The following KCNT1 variants were observed in gnomAD, a reference collection of about 807,000 sequenced individuals.
KCNT1 encodes potassium channel subfamily T member 1.
Under a neutral mutation model 147.8 loss-of-function variants are expected in KCNT1, and 78 were observed. The ratio of observed to expected loss-of-function variants is 0.53; its 90% confidence interval spans 0.44 to 0.64. KCNT1 has a LOEUF of 0.64. Ranked by LOEUF, KCNT1 falls within the 30% of genes least tolerant of loss-of-function variation. The pLI, the probability that KCNT1 is intolerant of heterozygous loss-of-function variation, is 0.00. For synonymous variants in KCNT1, 867 were observed against 748.8 expected (o/e 1.16, Z -2.58); for missense variants, 1,419 against 1,750.3 (o/e 0.81, Z 3.38).
chr9:135,785,770 G>A (rs1833997418), intron 28 of KCNT1: 1 of 433,726 alleles, frequency 2.3e-6, no homozygotes, highest in East Asian at 4.9e-5. Flanking sequence ...TCCAAAGGGT[G>A]TGTTTGCAAG....
Position 135,765,660 on chromosome 9 carries a change from G to T in KCNT1, c.1237G>T (p.Asp413Tyr). The change falls in exon 13 of 31, where the codon GAT becomes TAT. Residue 413 changes from aspartate to tyrosine, a missense_variant. By Grantham distance (160) the Asp-to-Tyr change is radical. Coordinates refer to ENST00000371757, the MANE Select transcript of KCNT1 (RefSeq NM_020822.3). The stretch of plus-strand genomic sequence containing the variant: ...GGTCATCCTGTGCCCCACGGAGATG[G>T]ATGTCCAGGTGCGCAGAGTCCTGCA... ...YVVILCPTEM[D>Y]VQVRRVLQIP... 6.2e-7 allele frequency: 1 copy of T among 1,611,122 alleles called. No homozygotes were observed. The highest frequency in any genetic ancestry group is 8.5e-7 in the Non-Finnish European group (1 of 1,179,142).
chr9:135,791,914 C>T (rs560415508), intron 30 of KCNT1, 33 bp downstream of exon 30: 90 of 1,612,484 alleles, frequency 5.6e-5, no homozygotes, highest in Non-Finnish European at 9.3e-6. Flanking sequence ...GTGGAGACCC[C>T]CCCTGAGCAC....
intron 24 of KCNT1, among the ~76,000 whole-genome samples, chr9:135,779,896 C>T (rs1030508296): frequency 6.6e-6 from 1 of 152,256 alleles, no homozygotes; most frequent in African/African-American, 2.4e-5. Flanking sequence ...CAGACTTCTC[C>T]GCTGCCCTGG....
At chr9:135,759,577 T>C (rs1831766572) in intron 10 of KCNT1, 102 bp from the exon 11 acceptor site, 4 of 1,282,858 alleles carry the variant, frequency 3.1e-6, no homozygotes, top group Non-Finnish European at 4.2e-6. Context: ...CACAGCTCAG[T>C]CTCCTGGGCA....
intron 1 of KCNT1, among the ~76,000 whole-genome samples, chr9:135,704,618 C>T: frequency 6.6e-6 from 1 of 152,216 alleles, no homozygotes. Flanking sequence ...ACCCCCTGCC[C>T]AGCGCACTTC....
intron 4 of KCNT1, among the ~76,000 whole-genome samples, chr9:135,753,133 G>A (rs1240518177): frequency 6.6e-6 from 1 of 151,756 alleles, no homozygotes; most frequent in Non-Finnish European, 1.5e-5. Flanking sequence ...TGATGGAGAA[G>A]TGGATGGATG....
intron 29 of KCNT1, chr9:135,790,264 T>C (rs1265097086): frequency 6.6e-6 from 1 of 152,170 alleles, no homozygotes. Flanking sequence ...CCACCTGCCA[T>C]GCGGCCACCC....
At chr9:135,785,596 C>G (rs1178244299) in intron 28 of KCNT1, 2 of 606,486 alleles carry the variant, frequency 3.3e-6, no homozygotes, top group East Asian at 5.6e-5. Context: ...CCCCCGCCCC[C>G]TCCCAGGCCC....
intron 2 of KCNT1, among the ~76,000 whole-genome samples, chr9:135,731,991 TAGAGAGAG>T (rs1189149987): frequency 0.011 from 228 of 21,560 alleles, no homozygotes; most frequent in Non-Finnish European, 0.013. Context: ...TATATATATA[TAGAGAGAG>T]AGAGAGAGAG....
chr9:135,769,860 T>C (rs2131504015), intron 15 of KCNT1, 87 bp from the exon 16 acceptor site: 1 of 958,222 alleles, frequency 1.0e-6, no homozygotes, highest in Non-Finnish European at 1.6e-6. Flanking sequence ...TGCATCTGCA[T>C]AGCACCTTCA....
At position 135,714,008 on chromosome 9, in the gene KCNT1, G is replaced by A. The variant is rs1051327332; in HGVS notation, c.111-569G>A. ...GTTCTGACCTGAGCTGAGCTGCTCC[G>A]CCTGGGGAGGCTGCAAACAAGGGTG... On this transcript the variant is annotated intron_variant, in intron 1 of 30. Coordinates refer to ENST00000371757, the MANE Select transcript of KCNT1 (RefSeq NM_020822.3). This position sits in a 1 kb window ranked among gnomAD's most constrained non-coding sequence, Gnocchi z 6.2. 3.3e-5 allele frequency among the ~76,000 whole-genome samples: 5 copies of A among 152,122 alleles called. No individual in the cohort carries two copies. Among genetic ancestry groups the A allele is most frequent in the Non-Finnish European group, 5.9e-5 (4 of 68,016 alleles).
chr9:135,770,129 G>A (rs1173189740), intron 16 of KCNT1, 74 bp downstream of exon 16: 1 of 1,432,864 alleles, frequency 7.0e-7, no homozygotes, highest in African/African-American at 1.4e-5. Context: ...GGGCCTGCTT[G>A]GGGGCGGGGA....
chr9:135,779,644 GTGGAACCAGGAGA>G (rs553228438), intron 24 of KCNT1, among the ~76,000 whole-genome samples, 174 bp downstream of exon 24: 25 of 152,346 alleles, frequency 1.6e-4, no homozygotes, highest in South Asian at 4.1e-4. Context: ...GCTCTTGATG[GTGGAACCAGGAGA>G]TGGAGGCAGG....
At position 135,734,529 on chromosome 9, in the gene KCNT1, G is replaced by A. The variant is rs186542686; in HGVS notation, c.255-15569G>A. Among the ~76,000 whole-genome samples, 93 of 152,326 alleles carry A rather than the reference G, an allele frequency of 6.1e-4. 1 individual carries two copies. Among genetic ancestry groups the A allele is most frequent in the African/African-American group, 1.6e-3 (68 of 41,564 alleles). On this transcript the variant is annotated intron_variant, in intron 2 of 30. Coordinates refer to ENST00000371757, the MANE Select transcript of KCNT1 (RefSeq NM_020822.3). ...ATCCTCCTCCCCTCCCCGCACCCCA[G>A]GCGGCACCTGCTGCAGCCGGCTGTG... is the stretch of plus-strand genomic sequence containing the variant.
At chr9:135,731,991 T>TATATATATATATAG (rs1276318460) in intron 2 of KCNT1, among the ~76,000 whole-genome samples, 7 of 21,732 alleles carry the variant, frequency 3.2e-4, no homozygotes, top group Admixed American at 6.9e-4. Flanking sequence ...TATATATATA[T>TATATATATATATAG]AGAGAGAGAG....
chr9:135,760,524 G>A (rs563170839), intron 11 of KCNT1, among the ~76,000 whole-genome samples: 1 of 152,308 alleles, frequency 6.6e-6, no homozygotes, highest in East Asian at 1.9e-4. Flanking sequence ...AAGAGCCTGA[G>A]GAGGTGGCCA....
At chr9:135,755,066 TG>T in intron 5 of KCNT1, 54 bp from the exon 6 acceptor site, 1 of 1,527,062 alleles carries the variant, frequency 6.5e-7, no homozygotes, top group East Asian at 2.3e-5. Flanking sequence ...CCAGGGTGGC[TG>T]GGGGACACTA....
At chr9:135,721,188 G>T (rs1043702242) in intron 2 of KCNT1, among the ~76,000 whole-genome samples, 1 of 151,998 alleles carries the variant, frequency 6.6e-6, no homozygotes, top group African/African-American at 2.4e-5. Context: ...TGAGCTGCTG[G>T]GCCAGCCCCA....
intron 2 of KCNT1, among the ~76,000 whole-genome samples, chr9:135,734,376 G>A (rs1220650643): frequency 6.6e-6 from 1 of 152,232 alleles, no homozygotes; most frequent in Non-Finnish European, 1.5e-5. Flanking sequence ...TTCTGGGACT[G>A]CTGCTCGATG....
Sources: allele counts gnomAD v4.1 joint callset (sites outside exome capture counted in the v4.1 genomes callset), GRCh38; gene constraint gnomAD v4.1.1; non-coding constraint Gnocchi (gnomAD v3.1); transcripts MANE v1.5; gene names NCBI Gene and HGNC (gene_info 2026-07-23, HGNC 2026-07-21).